DNAI7: variants seen among roughly 807,000 people sequenced by gnomAD.
DNAI7 encodes the protein dynein axonemal intermediate chain 7, also known as cancer susceptibility 1.
A neutral mutation model predicts 86.6 loss-of-function variants in DNAI7; 78 were observed. The observed-to-expected ratio is 0.90, with a 90% CI of 0.75 to 1.09. The LOEUF (loss-of-function observed/expected upper bound fraction) is 1.09. DNAI7 is among the 50% of genes least tolerant of loss of function. The probability of loss-of-function intolerance (pLI) is 0.00; values close to 1 mark genes in which losing one functional copy is unlikely to be tolerated. For synonymous variants in DNAI7, 274 were observed against 273.0 expected (o/e 1.00, Z -0.04); for missense variants, 753 against 810.2 (o/e 0.93, Z 0.86).
chr12:25,130,912 TGAAAAA>T (rs922432431), intron 9 of DNAI7, among the ~76,000 whole-genome samples: 1 of 152,082 alleles, frequency 6.6e-6, no homozygotes, highest in African/African-American at 2.4e-5. Flanking sequence ...GCTGTACTCA[TGAAAAA>T]GAAAATGTGT....
chr12:25,108,727 CTTCCTTGATCTTCA>C lies in DNAI7; in HGVS notation c.1976_1989del (p.Leu659ArgfsTer3), dbSNP rs749815283. 1 of 1,597,544 alleles carries C rather than the reference CTTCCTTGATCTTCA, an allele frequency of 6.3e-7. No individual in the cohort carries two copies. The highest frequency in any genetic ancestry group is 8.5e-7 in the Non-Finnish European group (1 of 1,170,996). The stretch of plus-strand genomic sequence containing the variant: ...AGTGCTTCAGAAAATGCCTCACTCT[CTTCCTTGATCTTCA>C]GTCTTTGTGCTCTGTCACCACTAAA... On this transcript the variant is annotated frameshift_variant, in exon 16 of 16. Transcript: ENST00000395987. LOFTEE classifies it low-confidence loss of function (END_TRUNC).
At chr12:25,157,681 T>G (rs968726420) in intron 4 of DNAI7, among the ~76,000 whole-genome samples, 1 of 152,216 alleles carries the variant, frequency 6.6e-6, no homozygotes, top group African/African-American at 2.4e-5. Flanking sequence ...ATAGATGTAA[T>G]CCACATAAAC....
intron 11 of DNAI7, among the ~76,000 whole-genome samples, chr12:25,121,380 G>C (rs1230249917): frequency 1.3e-5 from 2 of 152,194 alleles, no homozygotes; most frequent in South Asian, 4.1e-4. Context: ...TGGCTGAGTT[G>C]AGTAGCTGCA....
intron 7 of DNAI7, among the ~76,000 whole-genome samples, chr12:25,148,357 T>C (rs1244249320): frequency 6.6e-6 from 1 of 152,162 alleles, no homozygotes; most frequent in African/African-American, 2.4e-5. Flanking sequence ...ACATATGATG[T>C]TCCACTATTA....
chr12:25,144,386 T>G lies in DNAI7; in HGVS notation c.981A>C (p.Gln327His), dbSNP rs766424844. The stretch of plus-strand genomic sequence containing the variant: ...CTACCATTTTCACTTCAATATCACC[T>G]TGTTCCTCCTCAACTTTTATTTCTT... ...QEEEIKVEEE[Q>H]GDIEVKMSSA... The change falls in exon 9 of 16, where the codon CAA (glutamine) becomes CAC (histidine). Residue 327 changes from glutamine (Q) to histidine (H), a missense_variant. Physicochemically the swap from Gln to His is conservative, Grantham distance 24. Transcript: ENST00000395987. The G allele has an allele frequency of 2.5e-6, 4 of 1,613,488 alleles. No individual in the cohort carries two copies. In the African/African-American group the frequency reaches 5.3e-5, roughly 22 times the overall value.
Position 25,108,795 on chromosome 12 carries a change from G to A in DNAI7, c.1922C>T (p.Thr641Ile). 1.5e-6 allele frequency: 1 copy of A among 677,220 alleles called. No individual in the cohort carries two copies. The highest frequency in any genetic ancestry group is 2.4e-6 in the Non-Finnish European group (1 of 422,826). 42.0% of individuals were successfully genotyped at this position (677,220 alleles called of 1,614,324 possible). A position where few individuals can be genotyped will look rare whatever the true frequency, so the allele number is the denominator to read the frequency against. Residue 641 changes from threonine (T) to isoleucine (I), a missense_variant, in exon 16 of 16, where the codon ACT (threonine) becomes ATT (isoleucine). Coordinates refer to ENST00000395987, the MANE Select transcript of DNAI7 (RefSeq NM_018272.5). ...KVREHLTEAC[T>I]ENPNWALLMF... ...TAAAAGGGCCCAATTAGGATTCTCAGTACATGCTTCAGTAAGGTGTTCCCT... is the reference window on the plus strand; with the variant it reads ...TAAAAGGGCCCAATTAGGATTCTCAATACATGCTTCAGTAAGGTGTTCCCT...
Position 25,114,668 on chromosome 12 carries a change from T to C in DNAI7, c.1599A>G (p.Gln533=), listed in dbSNP as rs200071302. ...AAGAGTAACTCACCTTAATTTGTAT[T>C]TGAATCTCAGTAAATACTGTAGTCA... The part of the protein sequence containing the change: ...LTVTTVFTEI[Q]IQIKENLCML... Residue 533 remains glutamine (Q), a synonymous_variant, in exon 13 of 16, where the codon CAA becomes CAG. Coordinates refer to ENST00000395987, the MANE Select transcript of DNAI7 (RefSeq NM_018272.5). 2.2e-5 allele frequency: 36 copies of C among 1,607,428 alleles called. No individual in the cohort carries two copies. The African/African-American group carries it at 3.3e-4, about 15-fold the overall frequency.
intron 4 of DNAI7, among the ~76,000 whole-genome samples, chr12:25,157,710 C>T (rs987708199): frequency 2.6e-5 from 4 of 151,992 alleles, no homozygotes; most frequent in African/African-American, 9.7e-5. Context: ...CTTGGAGGGT[C>T]TTCAGTTTTT....
rs1331867938 is a variant in DNAI7 at position 25,149,765 on chromosome 12, T to C, written c.448A>G (p.Lys150Glu). 11 of 1,504,418 alleles carry C rather than the reference T, an allele frequency of 7.3e-6. No individual in the cohort carries two copies. Among genetic ancestry groups the C allele is most frequent in the Non-Finnish European group, 9.2e-6 (10 of 1,086,576 alleles). 93.2% of individuals were successfully genotyped at this position (1,504,418 alleles called of 1,614,324 possible). Reference sequence around the variant, plus strand: ...GTTTCCAGTAAAATAAATTTCAATTTCTCAATTAACTGTAAAGTAAAAGAA... The same window carrying C: ...GTTTCCAGTAAAATAAATTTCAATTCCTCAATTAACTGTAAAGTAAAAGAA... Reference protein sequence around the residue: ...KSKVVLNLIEKLKFILLETPP... With the variant: ...KSKVVLNLIEELKFILLETPP... Residue 150 changes from lysine (K) to glutamate (E), a missense_variant, in exon 7 of 16, where the codon AAA becomes GAA. Coordinates refer to ENST00000395987, the MANE Select transcript of DNAI7 (RefSeq NM_018272.5).
At chr12:25,167,776 C>T (rs1046009405) in intron 2 of DNAI7, among the ~76,000 whole-genome samples, 2 of 152,140 alleles carry the variant, frequency 1.3e-5, no homozygotes, top group African/African-American at 2.4e-5. Context: ...CAAGCTGCCA[C>T]CCTCCTCCGC....
At chr12:25,136,935 G>T (rs887281947) in intron 9 of DNAI7, among the ~76,000 whole-genome samples, 3 of 152,078 alleles carry the variant, frequency 2.0e-5, no homozygotes, top group African/African-American at 7.2e-5. Context: ...CCAAATCAAA[G>T]AATAACTGGT....
Position 25,108,504 on chromosome 12 carries a change from C to T in DNAI7, c.*44G>A. On this transcript the variant is annotated 3_prime_UTR_variant, in exon 16 of 16. Transcript: ENST00000395987. Reference sequence around the variant, plus strand: ...TGTTGCAGAAATACCTGTCTTTCACCATGCTTGGTTCTTCATACTTACAAT... The same window carrying T: ...TGTTGCAGAAATACCTGTCTTTCACTATGCTTGGTTCTTCATACTTACAAT... The T allele has an allele frequency of 3.3e-6, 5 of 1,526,570 alleles. No individual in the cohort carries two copies. The highest frequency in any genetic ancestry group is 4.5e-6 in the Non-Finnish European group (5 of 1,122,474). The allele number at this position is 1,526,570 out of a possible 1,614,324, so 94.6% of individuals were successfully genotyped here. A position where few individuals can be genotyped will look rare whatever the true frequency, so the allele number is the denominator to read the frequency against.
intron 8 of DNAI7, among the ~76,000 whole-genome samples, chr12:25,145,497 AAG>A (rs1403038708): frequency 2.0e-5 from 3 of 152,308 alleles, no homozygotes; most frequent in African/African-American, 7.2e-5. Context: ...TAAAACTATA[AAG>A]AGTTATTTCC....
At chr12:25,181,000 G>A (rs935388507) in intron 2 of DNAI7, among the ~76,000 whole-genome samples, 5 of 152,112 alleles carry the variant, frequency 3.3e-5, no homozygotes, top group African/African-American at 1.2e-4. Context: ...TAGACACGGG[G>A]TTTCGCCATG....
At chr12:25,133,475 C>A (rs556668933) in intron 9 of DNAI7, among the ~76,000 whole-genome samples, 2 of 152,226 alleles carry the variant, frequency 1.3e-5, no homozygotes, top group South Asian at 4.1e-4. Flanking sequence ...CAAGTATAGG[C>A]CCATCTGACA....
chr12:25,155,492 G>A (rs1344937860), intron 4 of DNAI7, 80 bp from the exon 5 acceptor site: 2 of 634,548 alleles, frequency 3.2e-6, no homozygotes, highest in East Asian at 2.9e-5. Context: ...AAACTGACGT[G>A]GCTAAATATA....
At chr12:25,129,497 T>C (rs1942587563) in intron 9 of DNAI7, among the ~76,000 whole-genome samples, 1 of 152,140 alleles carries the variant, frequency 6.6e-6, no homozygotes, top group African/African-American at 2.4e-5. Flanking sequence ...ACATTAAAGG[T>C]TGTTGAATGT....
At chr12:25,192,498 T>C (rs1167029039) in intron 1 of DNAI7, among the ~76,000 whole-genome samples, 1 of 152,180 alleles carries the variant, frequency 6.6e-6, no homozygotes, top group Non-Finnish European at 1.5e-5. Context: ...CACTGTGGTT[T>C]AGTAGATGTT....
chr12:25,131,165 CA>C (rs11368564), intron 9 of DNAI7, among the ~76,000 whole-genome samples: 4 of 147,340 alleles, frequency 2.7e-5, no homozygotes, highest in Non-Finnish European at 1.5e-5. Flanking sequence ...TACCCCCAAC[CA>C]AAAAAAAAAA....
Sources: allele counts gnomAD v4.1 joint callset (sites outside exome capture counted in the v4.1 genomes callset), GRCh38; gene constraint gnomAD v4.1.1; transcripts MANE v1.5; gene names NCBI Gene and HGNC (gene_info 2026-07-23, HGNC 2026-07-21).